The following UPF2 variants were observed in gnomAD, a reference collection of about 807,000 sequenced individuals.
UPF2 encodes UPF2 regulator of nonsense mediated mRNA decay.
In UPF2, 17 loss-of-function variants were observed where a neutral mutation model predicts 141.4. That is an observed-to-expected ratio of 0.12 (90% CI 0.08 to 0.18). The LOEUF (loss-of-function observed/expected upper bound fraction) is 0.18, where lower values mean the gene tolerates loss of function less well. Among genes scored for constraint, UPF2 ranks in the 10% least tolerant of loss-of-function variants. UPF2 has a pLI of 1.00. For missense variants in UPF2, 1,152 were observed against 1,515.9 expected, an observed-to-expected ratio of 0.76 and a Z score of 3.99; for synonymous variants, 540 against 498.0, an observed-to-expected ratio of 1.08 and a Z score of -1.12.
intron 3 of UPF2, among the ~76,000 whole-genome samples, chr10:12,022,808 A>T (rs937142086): frequency 6.6e-6 from 1 of 152,226 alleles, no homozygotes; most frequent in South Asian, 2.1e-4. Context: ...TTAAGTTTCA[A>T]TATCAGTCAA....
At chr10:11,950,080 GA>G (rs1833054114) in intron 15 of UPF2, among the ~76,000 whole-genome samples, 1 of 152,074 alleles carries the variant, frequency 6.6e-6, no homozygotes, top group South Asian at 2.1e-4. Flanking sequence ...AAAAAGAGTA[GA>G]AAAATATGTA....
At chr10:11,975,305 G>C (rs549498693) in intron 9 of UPF2, among the ~76,000 whole-genome samples, 1 of 152,162 alleles carries the variant, frequency 6.6e-6, no homozygotes, top group South Asian at 2.1e-4. Flanking sequence ...TAAAGAAGTA[G>C]GCCACACTGA....
chr10:11,986,442 G>C (rs924550965), intron 8 of UPF2, among the ~76,000 whole-genome samples: 1 of 152,108 alleles, frequency 6.6e-6, no homozygotes, highest in Non-Finnish European at 1.5e-5. Flanking sequence ...TTGTTATTGA[G>C]AGGGAAAGAA....
intron 16 of UPF2, among the ~76,000 whole-genome samples, chr10:11,947,650 G>C (rs1206494557): frequency 6.6e-6 from 1 of 151,184 alleles, no homozygotes; most frequent in Non-Finnish European, 1.5e-5. Context: ...AGCTGGGCAT[G>C]GTAGCACGTC....
intron 4 of UPF2, among the ~76,000 whole-genome samples, chr10:12,009,723 G>T (rs1834096315): frequency 6.6e-6 from 1 of 152,174 alleles, no homozygotes; most frequent in South Asian, 2.1e-4. Context: ...AGAGCTGAGG[G>T]TCTGGTAATA....
intron 9 of UPF2, among the ~76,000 whole-genome samples, chr10:11,967,948 G>A (rs780784575): frequency 4.6e-5 from 7 of 152,164 alleles, no homozygotes; most frequent in Non-Finnish European, 8.8e-5. Context: ...TCAGGAGGCC[G>A]AGGTTGGCGG....
At chr10:12,003,324 T>C (rs977868502) in intron 5 of UPF2, among the ~76,000 whole-genome samples, 1 of 152,140 alleles carries the variant, frequency 6.6e-6, no homozygotes, top group Non-Finnish European at 1.5e-5. Context: ...AATGTGACCC[T>C]TGCTCTCAAA....
intron 16 of UPF2, among the ~76,000 whole-genome samples, chr10:11,945,190 A>G (rs1354299759): frequency 6.6e-6 from 1 of 152,234 alleles, no homozygotes; most frequent in Non-Finnish European, 1.5e-5. Flanking sequence ...TAACTTATAG[A>G]GCTGACATTT....
chr10:11,938,853 G>GTTTTTTGTTTTTTT (rs1832889993), intron 18 of UPF2, among the ~76,000 whole-genome samples: 2 of 79,816 alleles, frequency 2.5e-5, no homozygotes, highest in South Asian at 7.8e-4. Flanking sequence ...TTTTTTTTTT[G>GTTTTTTGTTTTTTT]TTTTTTTTTT....
intron 3 of UPF2, among the ~76,000 whole-genome samples, chr10:12,027,827 C>T (rs1834447679): frequency 6.6e-6 from 1 of 152,192 alleles, no homozygotes; most frequent in African/African-American, 2.4e-5. Context: ...TCCTCCCCTA[C>T]CACAGACTTA....
chr10:12,027,714 CCA>C (rs1313414240), intron 3 of UPF2, among the ~76,000 whole-genome samples: 4 of 152,160 alleles, frequency 2.6e-5, no homozygotes, highest in Non-Finnish European at 4.4e-5. Context: ...AAAGATTTAA[CCA>C]CAGTCTCTAC....
intron 9 of UPF2, among the ~76,000 whole-genome samples, chr10:11,972,384 T>C (rs1233715745): frequency 6.6e-6 from 1 of 152,214 alleles, no homozygotes; most frequent in Non-Finnish European, 1.5e-5. Context: ...AAACTCTCTT[T>C]TTTTTATTAT....
intron 8 of UPF2, among the ~76,000 whole-genome samples, chr10:11,988,076 A>G (rs900003336): frequency 4.6e-5 from 7 of 152,196 alleles, no homozygotes; most frequent in African/African-American, 1.4e-4. Flanking sequence ...AAAGACAAAT[A>G]CAATTTTACA....
In UPF2 at chr10:11,994,975, C is replaced by CAAAA. The variant is rs60922532; in HGVS notation, c.1844+2693_1844+2696dup. On this transcript the variant is annotated intron_variant, in intron 8 of 21. Transcript: ENST00000357604. The stretch of plus-strand genomic sequence containing the variant: ...TGGGCAACAGAGTGAGACTCCATCT[C>CAAAA]AAAAAAAAAAAAAAAAAAAAAAAAA... Among the ~76,000 whole-genome samples, 22 of 51,358 alleles carry CAAAA rather than the reference C, an allele frequency of 4.3e-4. 1 individual carries two copies. The highest frequency in any genetic ancestry group is 1.2e-3 in the East Asian group (1 of 802). 33.7% of individuals were successfully genotyped at this position (51,358 alleles called of 152,430 possible).
Position 11,959,731 on chromosome 10 carries a change from C to T in UPF2, c.2185-375G>A, listed in dbSNP as rs1418331561. On this transcript the variant is annotated intron_variant, in intron 11 of 21. Transcript: ENST00000357604. This position sits in a 1 kb window ranked among gnomAD's most constrained non-coding sequence, Gnocchi z 5.9. ...GCCATGACTGGCACTGCACTCCAGC[C>T]TGGGCAACAGCAAGACCCTGTCTCT... Among the ~76,000 whole-genome samples the T allele has an allele frequency of 2.0e-5, 3 of 152,126 alleles. No individual in the cohort carries two copies. In the South Asian group the frequency reaches 6.2e-4, roughly 32 times the overall value.
chr10:12,032,871 C>T (rs535516555), intron 2 of UPF2, among the ~76,000 whole-genome samples: 124 of 151,922 alleles, frequency 8.2e-4, no homozygotes, highest in African/African-American at 2.9e-3. Flanking sequence ...GTGGCACGAG[C>T]CTGTAATGAC....
At chr10:12,006,937 C>G (rs1191343219) in intron 4 of UPF2, among the ~76,000 whole-genome samples, 1 of 152,176 alleles carries the variant, frequency 6.6e-6, no homozygotes, top group East Asian at 1.9e-4. Flanking sequence ...TTAGAACTTT[C>G]AGCCCCACTC....
intron 18 of UPF2, among the ~76,000 whole-genome samples, chr10:11,937,606 G>C (rs1237311179): frequency 1.3e-5 from 2 of 152,232 alleles, no homozygotes; most frequent in African/African-American, 4.8e-5. Flanking sequence ...ACATGGACCA[G>C]CATGGTACAC....
chr10:12,024,318 T>G (rs1834370395), intron 3 of UPF2, among the ~76,000 whole-genome samples: 1 of 151,836 alleles, frequency 6.6e-6, no homozygotes, highest in Non-Finnish European at 1.5e-5. Context: ...CTTTTAAAGT[T>G]TGGGATGGGG....
Sources: allele counts gnomAD v4.1 joint callset (sites outside exome capture counted in the v4.1 genomes callset), GRCh38; gene constraint gnomAD v4.1.1; non-coding constraint Gnocchi (gnomAD v3.1); transcripts MANE v1.5; gene names NCBI Gene and HGNC (gene_info 2026-07-23, HGNC 2026-07-21).